The following LYPLAL1 variants were observed in gnomAD, a reference collection of about 807,000 sequenced individuals.
LYPLAL1 encodes the protein lysophospholipase like 1.
Under a neutral mutation model 19.7 loss-of-function variants are expected in LYPLAL1, and 23 were observed. That is an observed-to-expected ratio of 1.17 (90% CI 0.84 to 1.65). LYPLAL1 has a LOEUF of 1.65. Among genes scored for constraint, LYPLAL1 ranks in the 40% most tolerant of loss-of-function variants. The pLI, the probability that LYPLAL1 is intolerant of heterozygous loss-of-function variation, is 0.00. For synonymous variants in LYPLAL1, 119 were observed against 96.3 expected, an observed-to-expected ratio of 1.24 and a Z score of -1.38; for missense variants, 355 against 279.4, an observed-to-expected ratio of 1.27 and a Z score of -1.93.
At chr1:219,248,586 C>G in the LYPLAL1 span, among the ~76,000 whole-genome samples, 2 of 151,832 alleles carry the variant, frequency 1.3e-5, no homozygotes, top group Admixed American at 6.6e-5. Flanking sequence ...GTTGTCAAGA[C>G]TGTGTCATTA....
At chr1:219,177,318 G>A (rs1473813639) in intron 1 of LYPLAL1, among the ~76,000 whole-genome samples, 1 of 152,076 alleles carries the variant, frequency 6.6e-6, no homozygotes, top group Non-Finnish European at 1.5e-5. Flanking sequence ...AGCTTTTGTG[G>A]GCCATGTAAG....
At chr1:219,179,784 A>G (rs370158198) in intron 2 of LYPLAL1, among the ~76,000 whole-genome samples, 19 of 152,314 alleles carry the variant, frequency 1.2e-4, no homozygotes, top group African/African-American at 4.1e-4. Context: ...GGTGTGTGCA[A>G]AAAATTCACA....
chr1:219,388,763 T>G, the LYPLAL1 span, among the ~76,000 whole-genome samples: 2 of 152,196 alleles, frequency 1.3e-5, no homozygotes, highest in Non-Finnish European at 2.9e-5. Context: ...CAGGTGTTGA[T>G]GAACATTAAG....
intron 2 of LYPLAL1, among the ~76,000 whole-genome samples, chr1:219,184,168 C>G (rs1416135920): frequency 6.6e-6 from 1 of 151,828 alleles, no homozygotes; most frequent in Admixed American, 6.6e-5. Context: ...CTAATACATA[C>G]ACATGGTATG....
the LYPLAL1 span, among the ~76,000 whole-genome samples, chr1:219,241,122 CTCTCTCTCTCTCTATA>C: frequency 1.1e-5 from 1 of 94,990 alleles, no homozygotes; most frequent in Admixed American, 1.3e-4. Flanking sequence ...CTCTCTCTCT[CTCTCTCTCTCTCTATA>C]TATATATATA....
chr1:219,421,448 A>G, the LYPLAL1 span, among the ~76,000 whole-genome samples: 7 of 152,192 alleles, frequency 4.6e-5, no homozygotes, highest in Non-Finnish European at 8.8e-5. Context: ...GCACCTGAGG[A>G]GGCTATTCAA....
At chr1:219,416,090 C>T in the LYPLAL1 span, among the ~76,000 whole-genome samples, 1 of 152,168 alleles carries the variant, frequency 6.6e-6, no homozygotes, top group Admixed American at 6.5e-5. Context: ...CACTCAATTT[C>T]TCCTATTATT....
chr1:219,437,560 A>G, the LYPLAL1 span, among the ~76,000 whole-genome samples: 1 of 151,876 alleles, frequency 6.6e-6, no homozygotes, highest in East Asian at 1.9e-4. Context: ...GATCTCACAT[A>G]GATCTGTGCT....
chr1:219,288,222 T>A, the LYPLAL1 span, among the ~76,000 whole-genome samples: 3 of 152,208 alleles, frequency 2.0e-5, no homozygotes, highest in African/African-American at 7.2e-5. Flanking sequence ...ACCAAGATGT[T>A]CTTCAGTAGG....
At chr1:219,398,250 C>T in the LYPLAL1 span, among the ~76,000 whole-genome samples, 2 of 152,092 alleles carry the variant, frequency 1.3e-5, no homozygotes, top group East Asian at 1.9e-4. Context: ...TGTTCATTCC[C>T]TTTTATTCTT....
At chr1:219,356,649 T>C in the LYPLAL1 span, among the ~76,000 whole-genome samples, 2 of 152,160 alleles carry the variant, frequency 1.3e-5, no homozygotes, top group African/African-American at 4.8e-5. Flanking sequence ...ATGAAGAAAA[T>C]CCAGCCTCAC....
the LYPLAL1 span, among the ~76,000 whole-genome samples, chr1:219,382,534 T>G: frequency 6.6e-6 from 1 of 152,110 alleles, no homozygotes; most frequent in Non-Finnish European, 1.5e-5. Context: ...TAACCTTTTT[T>G]TGGATTTTCA....
the LYPLAL1 span, among the ~76,000 whole-genome samples, chr1:219,419,848 C>T: frequency 7.9e-5 from 12 of 152,202 alleles, 2 homozygotes; most frequent in Middle Eastern, 3.4e-3. Flanking sequence ...ATAATTAAGG[C>T]GCCTCTGGAA....
At chr1:219,253,363 G>A in the LYPLAL1 span, among the ~76,000 whole-genome samples, 32 of 151,930 alleles carry the variant, frequency 2.1e-4, no homozygotes, top group African/African-American at 6.8e-4. Flanking sequence ...TTTCAGTTGT[G>A]CAGTTAGGTT....
intron 3 of LYPLAL1, among the ~76,000 whole-genome samples, chr1:219,210,066 C>T (rs1658885759): frequency 6.6e-6 from 1 of 152,010 alleles, no homozygotes; most frequent in Non-Finnish European, 1.5e-5. Context: ...ATTCTTAATT[C>T]AGAATTCACT....
chr1:219,404,031 G>A, the LYPLAL1 span, among the ~76,000 whole-genome samples: 1 of 152,130 alleles, frequency 6.6e-6, no homozygotes, highest in South Asian at 2.1e-4. Context: ...TGCAGACACA[G>A]CTGCCTTCTG....
the LYPLAL1 span, among the ~76,000 whole-genome samples, chr1:219,417,404 A>G: frequency 3.3e-5 from 5 of 152,294 alleles, no homozygotes; most frequent in African/African-American, 7.2e-5. Context: ...TAAAATGGCA[A>G]TGGACTCATT....
At chr1:219,355,140 C>A in the LYPLAL1 span, among the ~76,000 whole-genome samples, 13,728 of 152,202 alleles carry the variant, frequency 0.09, 644 homozygotes, top group Middle Eastern at 0.11. Flanking sequence ...CTCTACATAA[C>A]CAACACAGTA....
intron 2 of LYPLAL1, among the ~76,000 whole-genome samples, chr1:219,184,602 CT>C (rs1188013283): frequency 6.6e-6 from 1 of 151,442 alleles, no homozygotes; most frequent in African/African-American, 2.4e-5. Flanking sequence ...GTATATATGC[CT>C]TTTTTTTATA....
Sources: gnomAD v4.1 joint callset for allele counts (sites outside exome capture counted in the v4.1 genomes callset) on GRCh38, gnomAD v4.1.1 for gene constraint, MANE v1.5 for transcripts, NCBI Gene and HGNC (gene_info 2026-07-23, HGNC 2026-07-21) for gene names.